Variants in ABCA1 observed in about 807,000 individuals in gnomAD.
ABCA1 encodes phospholipid-transporting ATPase ABCA1.
In ABCA1, 133 loss-of-function variants were observed where a neutral mutation model predicts 262.5. The observed-to-expected ratio is 0.51, with a 90% confidence interval of 0.44 to 0.59. ABCA1 has a LOEUF of 0.59. ABCA1 is among the 20% of genes least tolerant of loss of function. The pLI, the probability that ABCA1 is intolerant of heterozygous loss-of-function variation, is 0.00. For synonymous variants in ABCA1, 1,022 were observed against 1,043.5 expected, an observed-to-expected ratio of 0.98 and a Z score of 0.40; for missense variants, 2,452 against 2,777.5, an observed-to-expected ratio of 0.88 and a Z score of 2.63.
At chr9:104,882,493 C>G (rs1248491165) in intron 5 of ABCA1, among the ~76,000 whole-genome samples, 6 of 152,186 alleles carry the variant, frequency 3.9e-5, no homozygotes, top group Admixed American at 6.5e-5. Context: ...GGGTGGCACA[C>G]AAGAAATTGC....
Position 104,883,080 on chromosome 9 carries a change from T to C in ABCA1, c.380A>G (p.Lys127Arg), listed in dbSNP as rs1394881972. 1.9e-6 allele frequency: 3 copies of C among 1,614,202 alleles called. No individual in the cohort carries two copies. The highest frequency in any genetic ancestry group is 4.5e-5 in the East Asian group (2 of 44,886). ...QKDTSMKDMR[K>R]VLRTLQQIKK... is the part of the protein sequence containing the mutation. ...GATCTGCTGTAATGTTCTCAGAACT[T>C]TGCGCATGTCCTTCATGCTGGTGTC... The change falls in exon 5 of 50, where the codon AAA (lysine) becomes AGA (arginine). Residue 127 changes from lysine (K) to arginine (R), a missense_variant. Transcript: ENST00000374736.
intron 36 of ABCA1, among the ~76,000 whole-genome samples, chr9:104,799,220 G>A (rs922640910): frequency 8.5e-5 from 13 of 152,082 alleles, no homozygotes; most frequent in African/African-American, 3.1e-4. Flanking sequence ...ATACAGGAAA[G>A]GTATCTAATG....
At chr9:104,812,332 G>C (rs140269126) in intron 28 of ABCA1, among the ~76,000 whole-genome samples, 1 of 152,060 alleles carries the variant, frequency 6.6e-6, no homozygotes, top group African/African-American at 2.4e-5. Context: ...TTTTATTTTC[G>C]TAACAACCCT....
rs200931562 is a variant in ABCA1 at position 104,924,841 on chromosome 9, TA to T, written c.-93+3093del. 1.3e-3 allele frequency among the ~76,000 whole-genome samples: 203 copies of T among 150,660 alleles called. 2 individuals carry two copies. The East Asian group carries it at 0.028, about 21-fold the overall frequency. On this transcript the variant is annotated intron_variant, in intron 1 of 49. Coordinates refer to ENST00000374736, the MANE Select transcript of ABCA1 (RefSeq NM_005502.4). ...CGGCTTACGGGAGAGAAGATCCCTT[TA>T]AAAAAAAAATTTAAATGGAAAAATA...
intron 8 of ABCA1, among the ~76,000 whole-genome samples, chr9:104,844,744 T>C (rs946100209): frequency 6.6e-6 from 1 of 152,218 alleles, no homozygotes; most frequent in Non-Finnish European, 1.5e-5. Flanking sequence ...GTCTGTATTG[T>C]TTGTGAGCAC....
chr9:104,802,232 G>T, intron 33 of ABCA1, 73 bp from the exon 34 acceptor site: 1 of 1,351,746 alleles, frequency 7.4e-7, no homozygotes, highest in Non-Finnish European at 1.1e-6. Flanking sequence ...CTCAGTGCGA[G>T]TGTGTACAAG....
At chr9:104,832,938 GA>G (rs200661885) in intron 11 of ABCA1, among the ~76,000 whole-genome samples, 167 bp from the exon 12 acceptor site, 13 of 150,640 alleles carry the variant, frequency 8.6e-5, no homozygotes, top group Admixed American at 4.0e-4. Flanking sequence ...TGAGGCTGAA[GA>G]AAAAAAAACA....
chr9:104,799,089 A>C (rs748629287), intron 36 of ABCA1, among the ~76,000 whole-genome samples: 2 of 152,202 alleles, frequency 1.3e-5, no homozygotes, highest in Non-Finnish European at 2.9e-5. Context: ...AAATTCTGTC[A>C]GATTTTTATA....
rs749597549 is a variant in ABCA1, at chr9:104,817,398, T to C, written c.3469A>G (p.Ser1157Gly). ...GCATCAGAACTGCTCTGAGAAACAC[T>C]GTCCTCCTGATGGCAAAGAAGGAGG... ...STVSYLKKEDSVSQSSSDAGL... is the reference protein window; with the variant it reads ...STVSYLKKEDGVSQSSSDAGL... The change falls in exon 24 of 50, where the codon AGT becomes GGT. Residue 1157 changes from serine (S) to glycine (G), a missense_variant. Ser to Gly is a moderately conservative substitution (Grantham distance 56). Around this residue, in one of 4 missense-constraint regions of ABCA1, gnomAD observed 665 missense variants for 727.3 expected, o/e 0.91. Transcript: ENST00000374736. The surrounding 1 kb of genome is among the most constrained non-coding windows in gnomAD (Gnocchi z 4.7). 1.9e-6 allele frequency: 3 copies of C among 1,614,198 alleles called. No individual in the cohort carries two copies. The highest frequency in any genetic ancestry group is 2.5e-6 in the Non-Finnish European group (3 of 1,180,038).
At chr9:104,901,957 TTAATA>T (rs1327519170) in intron 2 of ABCA1, among the ~76,000 whole-genome samples, 4 of 152,176 alleles carry the variant, frequency 2.6e-5, no homozygotes, top group African/African-American at 9.7e-5. Context: ...TTTTATTTTA[TTAATA>T]TAATATTATC....
At chr9:104,793,374 T>C in intron 40 of ABCA1, 74 bp from the exon 41 acceptor site, 1 of 1,598,976 alleles carries the variant, frequency 6.3e-7, no homozygotes. Context: ...AATTTGGGCC[T>C]ATGTTCCTTA....
intron 8 of ABCA1, among the ~76,000 whole-genome samples, chr9:104,841,661 A>G (rs935029199): frequency 6.6e-6 from 1 of 152,064 alleles, no homozygotes; most frequent in Non-Finnish European, 1.5e-5. Context: ...CTCATCATCA[A>G]GACAGCAAAG....
intron 3 of ABCA1, 48 bp downstream of exon 3, chr9:104,889,054 A>AT: frequency 6.5e-7 from 1 of 1,547,316 alleles, no homozygotes; most frequent in Non-Finnish European, 8.9e-7. Context: ...AATTGCCTGG[A>AT]TTTTCCCTGC....
chr9:104,858,692 A>G lies in ABCA1; in HGVS notation c.550T>C (p.Leu184=), dbSNP rs765643072. The stretch of plus-strand genomic sequence containing the variant: ...GTCAAATGTAACTGGTAGCCTTGCA[A>G]AAATACCTGGAAGCATTTCATGCAA... ...RADVILHKVF[L]QGYQLHLTSL... Residue 184 remains leucine, a synonymous_variant, in exon 7 of 50, where the codon TTG becomes CTG. Transcript: ENST00000374736. 1 of 1,614,184 alleles carries G rather than the reference A, an allele frequency of 6.2e-7. No homozygotes were observed. Among genetic ancestry groups the G allele is most frequent in the Non-Finnish European group, 8.5e-7 (1 of 1,180,036 alleles).
At chr9:104,825,658 C>T (rs1255822502) in intron 17 of ABCA1, 25 bp downstream of exon 17, 1 of 1,612,180 alleles carries the variant, frequency 6.2e-7, no homozygotes, top group Admixed American at 1.7e-5. Context: ...TCATATTTTC[C>T]AAACAGATGC....
intron 8 of ABCA1, among the ~76,000 whole-genome samples, chr9:104,844,892 C>A (rs1834725961): frequency 6.6e-6 from 1 of 152,190 alleles, no homozygotes; most frequent in African/African-American, 2.4e-5. Flanking sequence ...TTTGCAAGTG[C>A]CTACAGGCCC....
At chr9:104,921,295 G>A (rs1842128470) in intron 1 of ABCA1, among the ~76,000 whole-genome samples, 1 of 151,956 alleles carries the variant, frequency 6.6e-6, no homozygotes, top group Non-Finnish European at 1.5e-5. Flanking sequence ...AAAACACCGG[G>A]GAATTTTAAA....
intron 39 of ABCA1, 126 bp from the exon 40 acceptor site, chr9:104,794,636 C>T: frequency 1.8e-6 from 2 of 1,141,062 alleles, no homozygotes; most frequent in Middle Eastern, 4.2e-4. Flanking sequence ...ATTTGATTCT[C>T]TAGGGACAAA....
intron 49 of ABCA1, among the ~76,000 whole-genome samples, chr9:104,784,775 C>G (rs1828771355): frequency 6.6e-6 from 1 of 152,196 alleles, no homozygotes; most frequent in Non-Finnish European, 1.5e-5. Context: ...TCGCAAGTAG[C>G]TGGGACTACA....
Sources: allele counts gnomAD v4.1 joint callset (sites outside exome capture counted in the v4.1 genomes callset), GRCh38; gene constraint gnomAD v4.1.1; regional missense constraint gnomAD v4.1.1; non-coding constraint Gnocchi (gnomAD v3.1); transcripts MANE v1.5; gene names NCBI Gene and HGNC (gene_info 2026-07-23, HGNC 2026-07-21).